MAP3K20: variants seen among roughly 807,000 people sequenced by gnomAD.
The protein encoded by MAP3K20 is mitogen-activated protein kinase kinase kinase 20.
In MAP3K20, 40 loss-of-function variants were observed where a neutral mutation model predicts 85.7. The ratio of observed to expected loss-of-function variants is 0.47; its 90% CI spans 0.36 to 0.61. The LOEUF is 0.61. Ranked by LOEUF, MAP3K20 falls within the 20% of genes least tolerant of loss-of-function variation. The pLI is 0.00. For missense variants in MAP3K20, 817 were observed against 961.7 expected, an observed-to-expected ratio of 0.85 and a Z score of 1.99; for synonymous variants, 325 against 327.7, an observed-to-expected ratio of 0.99 and a Z score of 0.09.
intron 11 of MAP3K20, chr2:173,222,074 C>T: frequency 4.3e-6 from 4 of 929,496 alleles, no homozygotes; most frequent in Non-Finnish European, 3.8e-6. Flanking sequence ...TGGTAGCACA[C>T]ACCTGTAGTC....
intron 2 of MAP3K20, among the ~76,000 whole-genome samples, chr2:173,138,416 T>G (rs893919431): frequency 6.6e-6 from 1 of 152,202 alleles, no homozygotes; most frequent in Non-Finnish European, 1.5e-5. Context: ...CATTGTAATA[T>G]GGGGAAGATT....
At chr2:173,173,704 C>T (rs926948353) in intron 3 of MAP3K20, among the ~76,000 whole-genome samples, 6 of 152,258 alleles carry the variant, frequency 3.9e-5, no homozygotes, top group African/African-American at 1.4e-4. Context: ...ACATTTCAGA[C>T]ATTTGCGTAA....
intron 16 of MAP3K20, among the ~76,000 whole-genome samples, chr2:173,242,960 C>T (rs1208644635): frequency 6.6e-6 from 1 of 152,126 alleles, no homozygotes; most frequent in Non-Finnish European, 1.5e-5. Context: ...CCGGCTCGAC[C>T]TCCCAAAGTG....
chr2:173,164,173 TGG>T (rs1689747339), intron 2 of MAP3K20, among the ~76,000 whole-genome samples: 1 of 152,178 alleles, frequency 6.6e-6, no homozygotes, highest in Non-Finnish European at 1.5e-5. Context: ...TTGGCCAGGC[TGG>T]TCTCCAACTC....
chr2:173,198,243 A>G lies in MAP3K20; in HGVS notation c.669+131A>G, dbSNP rs1690916254. 1.3e-6 allele frequency: 1 copy of G among 759,976 alleles called. No individual in the cohort carries two copies. The highest frequency in any genetic ancestry group is 1.8e-5 in the African/African-American group (1 of 56,694). 47.1% of individuals were successfully genotyped at this position (759,976 alleles called of 1,614,324 possible). On this transcript the variant is annotated intron_variant, in intron 8 of 19. Coordinates refer to ENST00000375213, the MANE Select transcript of MAP3K20 (RefSeq NM_016653.3). The surrounding 1 kb of genome is among the most constrained non-coding windows in gnomAD (Gnocchi z 5.8). ...GGAAAGATTAGCAGTAGGAGCTAAC[A>G]CAAAGGGTCAAAGTGATGTTATTCC...
chr2:173,200,699 G>A (rs1295390286), intron 8 of MAP3K20, among the ~76,000 whole-genome samples: 1 of 152,122 alleles, frequency 6.6e-6, no homozygotes, highest in African/African-American at 2.4e-5. Context: ...GGGAGACTGA[G>A]GTAGGAGGAT....
chr2:173,166,303 T>G (rs1010023845), intron 2 of MAP3K20: 2 of 152,250 alleles, frequency 1.3e-5, no homozygotes, highest in Non-Finnish European at 1.5e-5. Flanking sequence ...TTTCATTGTT[T>G]TTATATATAG....
At chr2:173,133,542 T>C (rs1688676095) in intron 2 of MAP3K20, among the ~76,000 whole-genome samples, 1 of 152,048 alleles carries the variant, frequency 6.6e-6, no homozygotes, top group African/African-American at 2.4e-5. Context: ...TCAGAGAATA[T>C]GAAGGTATGC....
chr2:173,153,039 A>G (rs1689352923), intron 2 of MAP3K20, among the ~76,000 whole-genome samples: 1 of 152,226 alleles, frequency 6.6e-6, no homozygotes, highest in Non-Finnish European at 1.5e-5. Context: ...GCTAATCTCT[A>G]AGTTTTCTAT....
intron 2 of MAP3K20, among the ~76,000 whole-genome samples, chr2:173,110,197 A>G (rs1390041175): frequency 1.5e-4 from 6 of 40,594 alleles, no homozygotes; most frequent in Non-Finnish European, 2.8e-4. Context: ...AATATATGTT[A>G]TACATATATA....
At chr2:173,106,261 T>C (rs1687780631) in intron 2 of MAP3K20, among the ~76,000 whole-genome samples, 1 of 152,120 alleles carries the variant, frequency 6.6e-6, no homozygotes, top group Non-Finnish European at 1.5e-5. Context: ...ACAGTAATGA[T>C]GGAGAACTTG....
At chr2:173,190,247 A>G (rs1443385828) in intron 5 of MAP3K20, among the ~76,000 whole-genome samples, 2 of 152,112 alleles carry the variant, frequency 1.3e-5, no homozygotes, top group African/African-American at 4.8e-5. Context: ...CGCCCTCGAC[A>G]CAGATATCAT....
intron 2 of MAP3K20, among the ~76,000 whole-genome samples, chr2:173,120,983 A>C (rs1380620374): frequency 2.0e-5 from 3 of 151,194 alleles, no homozygotes; most frequent in Non-Finnish European, 4.4e-5. Flanking sequence ...CTGGGATTAC[A>C]GGCGTGAGCC....
In MAP3K20 at chr2:173,198,196, T is replaced by C. The variant is rs1690915095; in HGVS notation, c.669+84T>C. On this transcript the variant is annotated intron_variant, in intron 8 of 19. Transcript: ENST00000375213. This position sits in a 1 kb window ranked among gnomAD's most constrained non-coding sequence, Gnocchi z 5.8. Reference sequence around the variant, plus strand: ...AAAAGACTTTTTCATCTTCTTCAAATTGAAAGTAAGTTCACGCTTATGGAA... The same window carrying C: ...AAAAGACTTTTTCATCTTCTTCAAACTGAAAGTAAGTTCACGCTTATGGAA... 1 of 1,275,054 alleles carries C rather than the reference T, an allele frequency of 7.8e-7. No homozygotes were observed. Among genetic ancestry groups the C allele is most frequent in the Non-Finnish European group, 1.1e-6 (1 of 902,256 alleles). 79.0% of individuals were successfully genotyped at this position (1,275,054 alleles called of 1,614,324 possible).
intron 2 of MAP3K20, among the ~76,000 whole-genome samples, chr2:173,132,637 C>A (rs1019819842): frequency 6.6e-6 from 1 of 152,168 alleles, no homozygotes; most frequent in African/African-American, 2.4e-5. Context: ...TTTTCCCCTC[C>A]CCTGTCAGAT....
intron 1 of MAP3K20, among the ~76,000 whole-genome samples, chr2:173,084,064 A>T (rs1687080350): frequency 1.3e-5 from 2 of 152,276 alleles, no homozygotes; most frequent in South Asian, 4.1e-4. Context: ...TTTTTCTAGT[A>T]AAGTTAATCC....
intron 3 of MAP3K20, among the ~76,000 whole-genome samples, chr2:173,170,883 A>C (rs1689980032): frequency 6.6e-6 from 1 of 152,204 alleles, no homozygotes; most frequent in Non-Finnish European, 1.5e-5. Context: ...TCTCCACAGA[A>C]GCTCCTCTTC....
intron 14 of MAP3K20, among the ~76,000 whole-genome samples, chr2:173,236,888 G>T (rs890845095): frequency 3.9e-5 from 6 of 152,130 alleles, no homozygotes; most frequent in Non-Finnish European, 7.3e-5. Context: ...CAGCCTGATG[G>T]TAAGAATGCA....
Position 173,100,142 on chromosome 2 carries a change from G to A in MAP3K20, c.159+8952G>A, listed in dbSNP as rs527335493. On this transcript the variant is annotated intron_variant, in intron 2 of 19. Transcript: ENST00000375213. Reference sequence around the variant, plus strand: ...GGGTGAATACAGTGGGCAAGCACATGTGTGGTGCATTTGATGTCCTGTTGT... The same window carrying A: ...GGGTGAATACAGTGGGCAAGCACATATGTGGTGCATTTGATGTCCTGTTGT... Among the ~76,000 whole-genome samples, 6 of 152,358 alleles carry A rather than the reference G, an allele frequency of 3.9e-5. No individual in the cohort carries two copies. The East Asian group carries it at 1.2e-3, about 29-fold the overall frequency.
Sources: gnomAD v4.1 joint callset for allele counts (sites outside exome capture counted in the v4.1 genomes callset) on GRCh38, gnomAD v4.1.1 for gene constraint, Gnocchi (gnomAD v3.1) non-coding constraint, MANE v1.5 for transcripts, NCBI Gene and HGNC (gene_info 2026-07-23, HGNC 2026-07-21) for gene names.